ERICH6B: variants seen among roughly 807,000 people sequenced by gnomAD.
ERICH6B encodes the protein glutamate-rich protein 6B.
ERICH6B carries 69 observed loss-of-function variants against 80.0 expected under a neutral mutation model. The ratio of observed to expected loss-of-function variants is 0.86; its 90% CI spans 0.71 to 1.05. ERICH6B has a LOEUF of 1.05. Ranked by LOEUF, ERICH6B falls within the 50% of genes least tolerant of loss-of-function variation. The pLI is 0.00. For synonymous variants in ERICH6B, 283 were observed against 291.9 expected, an observed-to-expected ratio of 0.97 and a Z score of 0.31; for missense variants, 754 against 796.1, an observed-to-expected ratio of 0.95 and a Z score of 0.64.
In ERICH6B at chr13:45,544,890, G is replaced by T. The variant is rs1441012968; in HGVS notation, c.1742C>A (p.Pro581His). ...TTTCAAGGAGATGGGCTGGACAGGG[G>T]GTGCGTGGACATGGATGTTCAGATT... ...WWNLNIHVHA[P>H]PVQPISLKIN... The change falls in exon 14 of 15, where the codon CCC becomes CAC. Residue 581 changes from proline (P) to histidine (H), a missense_variant. Coordinates refer to ENST00000298738, the MANE Select transcript of ERICH6B (RefSeq NM_182542.3). 6.4e-7 allele frequency: 1 copy of T among 1,551,728 alleles called. No individual in the cohort carries two copies. The highest frequency in any genetic ancestry group is 1.4e-5 in the African/African-American group (1 of 73,158).
Position 45,599,909 on chromosome 13 carries a change from G to C in ERICH6B, c.-58-2846C>G, listed in dbSNP as rs182081633. 2.6e-4 allele frequency among the ~76,000 whole-genome samples: 39 copies of C among 152,336 alleles called. 1 individual carries two copies. The East Asian group carries it at 5.8e-3, about 23-fold the overall frequency. On this transcript the variant is annotated intron_variant, in intron 2 of 14. Coordinates refer to ENST00000298738, the MANE Select transcript of ERICH6B (RefSeq NM_182542.3). Reference sequence around the variant, plus strand: ...TAAGAAGCAGCGGAGAATGGAAGCTGTGCCTGCAGTTGGCTTGCCCTTTTA... The same window carrying C: ...TAAGAAGCAGCGGAGAATGGAAGCTCTGCCTGCAGTTGGCTTGCCCTTTTA...
intron 3 of ERICH6B, among the ~76,000 whole-genome samples, chr13:45,596,145 T>A (rs1876358263): frequency 1.3e-5 from 2 of 152,144 alleles, no homozygotes; most frequent in Admixed American, 1.3e-4. Context: ...AGTAAATGAG[T>A]CTTCCTCCCT....
intron 4 of ERICH6B, among the ~76,000 whole-genome samples, chr13:45,589,359 A>G (rs1005169470): frequency 1.3e-5 from 2 of 152,142 alleles, no homozygotes; most frequent in African/African-American, 4.8e-5. Context: ...CTGGGTGTGT[A>G]TGTTTGGAAT....
intron 11 of ERICH6B, among the ~76,000 whole-genome samples, chr13:45,559,965 T>C (rs1371091810): frequency 6.6e-6 from 1 of 152,238 alleles, no homozygotes; most frequent in Non-Finnish European, 1.5e-5. Context: ...CTTGTCTTGA[T>C]GACCTGTCTA....
chr13:45,566,808 C>G (rs951123793), intron 9 of ERICH6B, among the ~76,000 whole-genome samples: 5 of 152,200 alleles, frequency 3.3e-5, no homozygotes, highest in Admixed American at 2.6e-4. Context: ...ACTGGGGCAC[C>G]ACCTAATGGA....
chr13:45,560,505 T>C (rs1874626229), intron 11 of ERICH6B, among the ~76,000 whole-genome samples: 1 of 152,216 alleles, frequency 6.6e-6, no homozygotes, highest in Admixed American at 6.5e-5. Flanking sequence ...GGGTTCTCTC[T>C]TGATGTTGCA....
Position 45,573,762 on chromosome 13 carries a change from G to T in ERICH6B, c.1050+1080C>A, listed in dbSNP as rs1472830072. Reference sequence around the variant, plus strand: ...GATGTGTCTGTCACCTGAGAATTCAGTGCCACCTGATATAGCAAAACATCA... The same window carrying T: ...GATGTGTCTGTCACCTGAGAATTCATTGCCACCTGATATAGCAAAACATCA... On this transcript the variant is annotated intron_variant, in intron 8 of 14. Transcript: ENST00000298738. 4.6e-5 allele frequency among the ~76,000 whole-genome samples: 7 copies of T among 152,200 alleles called. 1 individual carries two copies. The South Asian group carries it at 1.4e-3, about 32-fold the overall frequency.
chr13:45,580,600 T>C lies in ERICH6B; in HGVS notation c.919+3A>G. ...GATCATTTAAAATCATCATAAACTT[T>C]ACCTTCCGGAGCCAGCTTCGTGGTG... On this transcript the variant is annotated splice_donor_region_variant and intron_variant, in intron 6 of 14. Coordinates refer to ENST00000298738, the MANE Select transcript of ERICH6B (RefSeq NM_182542.3). The C allele has an allele frequency of 6.4e-7, 1 of 1,551,614 alleles. No homozygotes were observed.
At position 45,568,087 on chromosome 13, in the gene ERICH6B, C is replaced by A. The variant is rs74580040; in HGVS notation, c.1187+228G>T. ...CCTGTACCTCCCATGCTTGCAATAT[C>A]CTTGCTCTTGAGTTTGATTTTGGTC... On this transcript the variant is annotated intron_variant, in intron 9 of 14. Transcript: ENST00000298738. 0.044 allele frequency among the ~76,000 whole-genome samples: 6,771 copies of A among 152,280 alleles called. 235 individuals carry two copies. Among genetic ancestry groups the A allele is most frequent in the Non-Finnish European group, 0.065 (4,447 of 68,022 alleles).
chr13:45,587,197 A>G lies in ERICH6B; in HGVS notation c.722T>C (p.Phe241Ser). 6.4e-7 allele frequency: 1 copy of G among 1,551,664 alleles called. No homozygotes were observed. The highest frequency in any genetic ancestry group is 8.7e-7 in the Non-Finnish European group (1 of 1,146,986). ...AGCGAAAGTCAACGGGACAGTCAAGAAGGTGGTCACCTGAGAGGGGCCAGC... is the reference window on the plus strand; with the variant it reads ...AGCGAAAGTCAACGGGACAGTCAAGGAGGTGGTCACCTGAGAGGGGCCAGC... ...PDAGPSQVTT[F>S]LTVPLTFATP... The change falls in exon 5 of 15, where the codon TTC (phenylalanine) becomes TCC (serine). Residue 241 changes from phenylalanine (F) to serine (S), a missense_variant. Coordinates refer to ENST00000298738, the MANE Select transcript of ERICH6B (RefSeq NM_182542.3).
intron 2 of ERICH6B, among the ~76,000 whole-genome samples, chr13:45,606,547 A>ATTTT (rs71074722): frequency 4.8e-4 from 8 of 16,604 alleles, no homozygotes; most frequent in African/African-American, 8.9e-4. Flanking sequence ...ATATATATAT[A>ATTTT]TTTTTTTTTT....
chr13:45,573,551 G>A (rs1254224179), intron 8 of ERICH6B, among the ~76,000 whole-genome samples: 3 of 152,112 alleles, frequency 2.0e-5, no homozygotes, highest in South Asian at 2.1e-4. Context: ...AGTTTGAATC[G>A]AAGTACTTAA....
chr13:45,553,164 GT>G, intron 11 of ERICH6B: 4 of 267,366 alleles, frequency 1.5e-5, no homozygotes, highest in South Asian at 3.8e-5. Flanking sequence ...ATTAGTCACC[GT>G]TTTTGACACA....
chr13:45,609,414 C>T (rs1249574282), intron 1 of ERICH6B, among the ~76,000 whole-genome samples: 1 of 152,200 alleles, frequency 6.6e-6, no homozygotes, highest in Non-Finnish European at 1.5e-5. Flanking sequence ...TGTCATCTCT[C>T]CAGCAAGGCT....
intron 5 of ERICH6B, among the ~76,000 whole-genome samples, chr13:45,582,612 C>T (rs1177213432): frequency 6.6e-6 from 1 of 152,150 alleles, no homozygotes; most frequent in African/African-American, 2.4e-5. Context: ...TGCATCCAAG[C>T]CTATTATAAA....
rs889515147 is a variant in ERICH6B, at chr13:45,563,658, A to G, written c.1249+69T>C. ...TCCACCTTCTTTACAGTACATGCAGAAGGGGAGAGGCGGTGGGATGCAGAC... is the reference window on the plus strand; with the variant it reads ...TCCACCTTCTTTACAGTACATGCAGGAGGGGAGAGGCGGTGGGATGCAGAC... On this transcript the variant is annotated intron_variant, in intron 10 of 14. Coordinates refer to ENST00000298738, the MANE Select transcript of ERICH6B (RefSeq NM_182542.3). 2.9e-6 allele frequency: 4 copies of G among 1,364,216 alleles called. No individual in the cohort carries two copies. The African/African-American group carries it at 5.8e-5, about 20-fold the overall frequency. The allele number at this position is 1,364,216 out of a possible 1,614,324, so 84.5% of individuals were successfully genotyped here.
At chr13:45,544,529 G>C (rs1291766983) in intron 14 of ERICH6B, among the ~76,000 whole-genome samples, 1 of 152,216 alleles carries the variant, frequency 6.6e-6, no homozygotes, top group African/African-American at 2.4e-5. Context: ...GCTAACCTGA[G>C]CATTTCAATG....
intron 1 of ERICH6B, among the ~76,000 whole-genome samples, chr13:45,615,013 T>G (rs1321101746): frequency 2.0e-5 from 3 of 152,240 alleles, no homozygotes; most frequent in Non-Finnish European, 4.4e-5. Flanking sequence ...CATTACAACA[T>G]CATTTCCTAG....
At chr13:45,571,597 G>A (rs1208474222) in intron 8 of ERICH6B, among the ~76,000 whole-genome samples, 1 of 152,186 alleles carries the variant, frequency 6.6e-6, no homozygotes, top group Non-Finnish European at 1.5e-5. Context: ...TATTATGGTT[G>A]AATTGTATTT....
Sources: gnomAD v4.1 joint callset for allele counts (sites outside exome capture counted in the v4.1 genomes callset) on GRCh38, gnomAD v4.1.1 for gene constraint, MANE v1.5 for transcripts, NCBI Gene and HGNC (gene_info 2026-07-23, HGNC 2026-07-21) for gene names.